The following STIM2 variants were observed in gnomAD, a reference collection of about 807,000 sequenced individuals.
STIM2 encodes the protein stromal interaction molecule 2.
In STIM2, 31 loss-of-function variants were observed where a neutral mutation model predicts 85.8. The ratio of observed to expected loss-of-function variants is 0.36; its 90% CI spans 0.27 to 0.49. The LOEUF (loss-of-function observed/expected upper bound fraction) is 0.49, where lower values mean the gene tolerates loss of function less well. Ranked by LOEUF, STIM2 falls within the 20% of genes least tolerant of loss-of-function variation. The pLI, the probability that STIM2 is intolerant of heterozygous loss-of-function variation, is 0.98. For missense variants in STIM2, 841 were observed against 927.6 expected (o/e 0.91, Z 1.21); for synonymous variants, 356 against 331.1 (o/e 1.08, Z -0.82).
intron 3 of STIM2, among the ~76,000 whole-genome samples, chr4:26,979,253 A>G (rs1027454880): frequency 2.6e-5 from 4 of 152,198 alleles, no homozygotes; most frequent in African/African-American, 9.7e-5. Flanking sequence ...TTTTAAAAGC[A>G]TCAATGGAGG....
At chr4:26,888,140 T>C (rs1451035361) in intron 1 of STIM2, among the ~76,000 whole-genome samples, 1 of 152,220 alleles carries the variant, frequency 6.6e-6, no homozygotes, top group Non-Finnish European at 1.5e-5. Context: ...TAGTGTTTGA[T>C]TGAATAACTG....
intron 2 of STIM2, among the ~76,000 whole-genome samples, chr4:26,950,457 T>C (rs1726005865): frequency 6.6e-6 from 1 of 152,154 alleles, no homozygotes; most frequent in African/African-American, 2.4e-5. Context: ...GGAAGCTTAA[T>C]CCACAATGTA....
chr4:26,910,760 C>T (rs1236681051), intron 1 of STIM2, among the ~76,000 whole-genome samples: 1 of 152,086 alleles, frequency 6.6e-6, no homozygotes, highest in Non-Finnish European at 1.5e-5. Context: ...GAGGCATTAC[C>T]TTCTGGTTCC....
rs564696140 is a variant in STIM2, at chr4:26,868,676, G to A, written c.151+7307G>A. Among the ~76,000 whole-genome samples the A allele has an allele frequency of 7.9e-5, 12 of 152,164 alleles. No individual in the cohort carries two copies. In the South Asian group the frequency reaches 2.1e-3, roughly 26 times the overall value. On this transcript the variant is annotated intron_variant, in intron 1 of 11. Coordinates refer to ENST00000467087, the MANE Select transcript of STIM2 (RefSeq NM_020860.4). The stretch of plus-strand genomic sequence containing the variant: ...GCACAGGCCCATGTTTTCTATTACT[G>A]TCTTTTTTTTCTTTTTTAAAAAATC...
At chr4:26,959,447 G>A (rs1207260433) in intron 3 of STIM2, among the ~76,000 whole-genome samples, 1 of 151,474 alleles carries the variant, frequency 6.6e-6, no homozygotes, top group African/African-American at 2.4e-5. Flanking sequence ...TGGTACTCTT[G>A]ATCTTTCTTA....
intron 1 of STIM2, among the ~76,000 whole-genome samples, chr4:26,863,246 G>A (rs1271376377): frequency 1.3e-5 from 2 of 152,004 alleles, no homozygotes; most frequent in East Asian, 1.9e-4. Context: ...TGTGCCATAG[G>A]GCTTTAAAAT....
intron 2 of STIM2, among the ~76,000 whole-genome samples, chr4:26,933,786 T>C (rs1725290760): frequency 6.6e-6 from 1 of 151,134 alleles, no homozygotes; most frequent in Non-Finnish European, 1.5e-5. Context: ...AGTATGTGCT[T>C]CCTGATATAA....
At chr4:26,918,027 T>G (rs539280873) in intron 1 of STIM2, among the ~76,000 whole-genome samples, 2 of 152,260 alleles carry the variant, frequency 1.3e-5, no homozygotes, top group East Asian at 1.9e-4. Flanking sequence ...GTTCCAAATA[T>G]TTGTATGTAC....
chr4:26,887,576 G>C (rs866517160), intron 1 of STIM2, among the ~76,000 whole-genome samples: 2 of 152,076 alleles, frequency 1.3e-5, no homozygotes, highest in Non-Finnish European at 2.9e-5. Context: ...AAATCTTTCA[G>C]TACTTTCTTT....
chr4:26,900,546 A>G (rs1432485121), intron 1 of STIM2, among the ~76,000 whole-genome samples: 1 of 152,202 alleles, frequency 6.6e-6, no homozygotes, highest in Non-Finnish European at 1.5e-5. Flanking sequence ...TTGTGTGGTT[A>G]CTGCATGGCT....
chr4:27,020,719 T>G (rs1728880533), intron 11 of STIM2, among the ~76,000 whole-genome samples: 1 of 152,224 alleles, frequency 6.6e-6, no homozygotes, highest in Non-Finnish European at 1.5e-5. Flanking sequence ...AAAATGATAT[T>G]AATCATAGGC....
chr4:26,898,104 G>T (rs1577424199), intron 1 of STIM2, among the ~76,000 whole-genome samples: 1 of 152,172 alleles, frequency 6.6e-6, no homozygotes, highest in African/African-American at 2.4e-5. Flanking sequence ...ATGGAAATGA[G>T]AATTCACATA....
chr4:26,862,388 A>C (rs1577401115), intron 1 of STIM2, among the ~76,000 whole-genome samples: 1 of 151,700 alleles, frequency 6.6e-6, no homozygotes, highest in Non-Finnish European at 1.5e-5. Context: ...AATAATTGTA[A>C]GACTAAAAAG....
At chr4:27,017,588 C>A in intron 10 of STIM2, 123 bp from the exon 11 acceptor site, 1 of 1,225,164 alleles carries the variant, frequency 8.2e-7, no homozygotes, top group Non-Finnish European at 1.2e-6. Context: ...ACAGTAACTT[C>A]AGTAAAGGGA....
rs1002286818 is a variant in STIM2, at chr4:26,866,719, C to G, written c.151+5350C>G. Among the ~76,000 whole-genome samples, 21 of 152,188 alleles carry G rather than the reference C, an allele frequency of 1.4e-4. No homozygotes were observed. In the South Asian group the frequency reaches 4.2e-3, roughly 30 times the overall value. On this transcript the variant is annotated intron_variant, in intron 1 of 11. Coordinates refer to ENST00000467087, the MANE Select transcript of STIM2 (RefSeq NM_020860.4). Reference sequence around the variant, plus strand: ...TGTCAGCACATTTAAAACTGGGGTACTCGGCTGTATACTGGCAAGAATGAG... The same window carrying G: ...TGTCAGCACATTTAAAACTGGGGTAGTCGGCTGTATACTGGCAAGAATGAG...
At chr4:26,954,005 T>C (rs1410683351) in intron 2 of STIM2, among the ~76,000 whole-genome samples, 2 of 151,880 alleles carry the variant, frequency 1.3e-5, no homozygotes, top group Non-Finnish European at 2.9e-5. Flanking sequence ...GGATGATAGA[T>C]TGAGAGGGGG....
Position 26,873,354 on chromosome 4 carries a change from C to T in STIM2, c.151+11985C>T, listed in dbSNP as rs146157410. On this transcript the variant is annotated intron_variant, in intron 1 of 11. Transcript: ENST00000467087. ...AGGTTGCAGTGAGCTGAGATCGTGC[C>T]ATTGCACTCCACTCCAGCCTGGGTG... Among the ~76,000 whole-genome samples the T allele has an allele frequency of 2.8e-3, 428 of 151,890 alleles. 1 individual carries two copies. The highest frequency in any genetic ancestry group is 9.7e-3 in the African/African-American group (400 of 41,412).
intron 1 of STIM2, among the ~76,000 whole-genome samples, chr4:26,911,763 A>G (rs1303169358): frequency 1.3e-5 from 2 of 152,214 alleles, no homozygotes. Context: ...AATGCCTATC[A>G]TCATGTAACA....
intron 3 of STIM2, among the ~76,000 whole-genome samples, chr4:26,983,550 TAC>T (rs1233703202): frequency 1.3e-5 from 2 of 152,198 alleles, no homozygotes; most frequent in Admixed American, 6.5e-5. Flanking sequence ...AATTTCTGAG[TAC>T]AGTTGCCTTG....
Sources: gnomAD v4.1 joint callset for allele counts (sites outside exome capture counted in the v4.1 genomes callset) on GRCh38, gnomAD v4.1.1 for gene constraint, MANE v1.5 for transcripts, NCBI Gene and HGNC (gene_info 2026-07-23, HGNC 2026-07-21) for gene names.